The following RACGAP1 variants were observed in gnomAD, a reference collection of about 807,000 sequenced individuals.
RACGAP1 encodes the protein rac GTPase-activating protein 1.
In RACGAP1, 30 loss-of-function variants were observed where a neutral mutation model predicts 78.1. The ratio of observed to expected loss-of-function variants is 0.38; its 90% confidence interval spans 0.29 to 0.52. The LOEUF is 0.52. RACGAP1 is among the 20% of genes least tolerant of loss of function. RACGAP1 has a pLI of 0.82. For synonymous variants in RACGAP1, 231 were observed against 264.8 expected (o/e 0.87, Z 1.24); for missense variants, 587 against 777.1 (o/e 0.76, Z 2.91).
intron 2 of RACGAP1, 48 bp from the exon 3 acceptor site, chr12:50,006,684 A>T (rs758870394): frequency 5.1e-6 from 8 of 1,556,514 alleles, no homozygotes; most frequent in African/African-American, 1.4e-5. Flanking sequence ...AACAGAGTAT[A>T]ACTGCTCTAA....
intron 6 of RACGAP1, 94 bp from the exon 7 acceptor site, chr12:50,001,346 C>G: frequency 1.0e-6 from 1 of 977,560 alleles, no homozygotes; most frequent in Non-Finnish European, 1.6e-6. Context: ...GATACAGGTC[C>G]TGGGGATTAG....
chr12:50,002,475 A>G (rs915085362), intron 5 of RACGAP1, among the ~76,000 whole-genome samples, 175 bp from the exon 6 acceptor site: 1 of 152,252 alleles, frequency 6.6e-6, no homozygotes, highest in Non-Finnish European at 1.5e-5. Context: ...AGCTATAGTA[A>G]GTTAATGTGC....
intron 2 of RACGAP1, among the ~76,000 whole-genome samples, chr12:50,016,273 C>T (rs1949672175): frequency 6.6e-6 from 1 of 152,062 alleles, no homozygotes. Context: ...ATCCCTGCTA[C>T]TCGAGAGGCT....
chr12:50,003,505 A>C (rs771967609), intron 5 of RACGAP1, among the ~76,000 whole-genome samples: 6 of 152,362 alleles, frequency 3.9e-5, no homozygotes, highest in Middle Eastern at 3.4e-3. Context: ...GCCATGTAAC[A>C]AATAGTTGTC....
intron 2 of RACGAP1, among the ~76,000 whole-genome samples, chr12:50,031,095 GA>G (rs531311334): frequency 1.3e-5 from 2 of 150,814 alleles, no homozygotes; most frequent in South Asian, 2.1e-4. Flanking sequence ...AAATAAACTT[GA>G]AAAAAAATGT....
intron 3 of RACGAP1, among the ~76,000 whole-genome samples, chr12:50,006,126 G>A (rs1000419559): frequency 6.6e-6 from 1 of 152,168 alleles, no homozygotes; most frequent in Middle Eastern, 3.2e-3. Context: ...AATAACTTGT[G>A]ACAGATCAAG....
At chr12:50,012,219 G>T (rs948476859) in intron 2 of RACGAP1, among the ~76,000 whole-genome samples, 10 of 152,146 alleles carry the variant, frequency 6.6e-5, no homozygotes, top group Admixed American at 1.3e-4. Context: ...CTGAGGTCGG[G>T]AGTTCAATAT....
At chr12:49,993,996 GA>G (rs1433302404) in intron 12 of RACGAP1, 134 bp downstream of exon 12, 16 of 849,570 alleles carry the variant, frequency 1.9e-5, no homozygotes, top group Non-Finnish European at 2.8e-5. Context: ...AGTGAGCTGA[GA>G]TTGCGCCACT....
upstream of RACGAP1, among the ~76,000 whole-genome samples, chr12:50,026,349 T>TAAAA (rs59207359): frequency 1.4e-5 from 2 of 142,512 alleles, no homozygotes; most frequent in Non-Finnish European, 3.1e-5. Flanking sequence ...GTCCTTAATT[T>TAAAA]AAAAAAAAAA....
intron 1 of RACGAP1, among the ~76,000 whole-genome samples, chr12:50,021,551 A>G (rs1213847087): frequency 1.3e-5 from 2 of 152,166 alleles, no homozygotes; most frequent in Admixed American, 6.5e-5. Context: ...AAAACAGACT[A>G]TTACAGATCT....
chr12:50,016,878 TA>T, intron 1 of RACGAP1, 159 bp from the exon 2 acceptor site: 1 of 1,373,382 alleles, frequency 7.3e-7, no homozygotes, highest in African/African-American at 1.5e-5. Flanking sequence ...GTGTGATTCT[TA>T]TTATAAAAAC....
At chr12:50,011,209 C>T (rs1949302824) in intron 2 of RACGAP1, among the ~76,000 whole-genome samples, 1 of 151,760 alleles carries the variant, frequency 6.6e-6, no homozygotes, top group Non-Finnish European at 1.5e-5. Context: ...TGGCATGCGC[C>T]TGTAATCCCA....
intron 2 of RACGAP1, among the ~76,000 whole-genome samples, chr12:50,015,671 G>A (rs12306320): frequency 0.21 from 31,575 of 151,626 alleles, 6,435 homozygotes; most frequent in African/African-American, 0.53. Context: ...ACGTGGTGGC[G>A]GGCGCCTGTA....
intron 6 of RACGAP1, among the ~76,000 whole-genome samples, 168 bp downstream of exon 6, chr12:50,002,079 A>G (rs940568191): frequency 1.3e-5 from 2 of 152,054 alleles, no homozygotes; most frequent in Admixed American, 1.3e-4. Context: ...AAAGAAAAAA[A>G]AAAAAAAAAA....
At chr12:50,020,241 C>T (rs889145763) in intron 1 of RACGAP1, among the ~76,000 whole-genome samples, 1 of 121,838 alleles carries the variant, frequency 8.2e-6, no homozygotes, top group African/African-American at 2.5e-5. Context: ...GCAGTAGCAC[C>T]ATCTCGGTTC....
At chr12:49,990,376 T>C (rs370389246) in intron 16 of RACGAP1, 33 bp from the exon 17 acceptor site, 275 of 1,556,560 alleles carry the variant, frequency 1.8e-4, no homozygotes, top group Non-Finnish European at 2.3e-4. Context: ...TGGAAAAATA[T>C]TCTATAAAAA....
At chr12:50,018,604 GA>G in intron 1 of RACGAP1, 1 of 1,266,838 alleles carries the variant, frequency 7.9e-7, no homozygotes, top group Non-Finnish European at 1.0e-6. Context: ...GGTAAAAATG[GA>G]AGACTCTAAT....
chr12:49,998,591 A>C (rs192731651), intron 9 of RACGAP1, among the ~76,000 whole-genome samples: 1 of 152,092 alleles, frequency 6.6e-6, no homozygotes, highest in Admixed American at 6.5e-5. Flanking sequence ...AAATGTAAAC[A>C]TGTGTCACTA....
chr12:49,994,779 G>A (rs1441126886), intron 10 of RACGAP1, among the ~76,000 whole-genome samples: 1 of 152,060 alleles, frequency 6.6e-6, no homozygotes, highest in African/African-American at 2.4e-5. Context: ...AAGACCACCA[G>A]CTATAATTAC....
Sources: allele counts gnomAD v4.1 joint callset (sites outside exome capture counted in the v4.1 genomes callset), GRCh38; gene constraint gnomAD v4.1.1; transcripts MANE v1.5; gene names NCBI Gene and HGNC (gene_info 2026-07-23, HGNC 2026-07-21).